SETBP1: variants seen among roughly 807,000 people sequenced by gnomAD.
SETBP1 encodes SET-binding protein.
Under a neutral mutation model 101.0 loss-of-function variants are expected in SETBP1, and 9 were observed. The observed-to-expected ratio is 0.09, with a 90% CI of 0.05 to 0.16. The LOEUF is 0.16. SETBP1 is among the 10% of genes least tolerant of loss of function. The pLI is 1.00. For missense variants in SETBP1, 1,858 were observed against 2,033.8 expected (o/e 0.91, Z 1.66); for synonymous variants, 818 against 788.5 (o/e 1.04, Z -0.63).
chr18:44,970,898 G>C (rs1303089756), intron 4 of SETBP1, among the ~76,000 whole-genome samples: 1 of 151,892 alleles, frequency 6.6e-6, no homozygotes, highest in Non-Finnish European at 1.5e-5. Context: ...TTAAGTATTA[G>C]GGTACATGTG....
rs577316166 is a variant in SETBP1 at position 45,027,070 on chromosome 18, G to A, written c.4001-11415G>A. 3.9e-5 allele frequency among the ~76,000 whole-genome samples: 6 copies of A among 152,212 alleles called. No individual in the cohort carries two copies. The South Asian group carries it at 1.2e-3, about 32-fold the overall frequency. On this transcript the variant is annotated intron_variant, in intron 4 of 5. Transcript: ENST00000649279. The stretch of plus-strand genomic sequence containing the variant: ...CTCTCCATTCTAAATGATGTCATTG[G>A]ACACTTCTAGAGAACACCTTTGAGC...
chr18:44,845,691 T>G (rs570989718), intron 2 of SETBP1, among the ~76,000 whole-genome samples: 1 of 152,344 alleles, frequency 6.6e-6, no homozygotes, highest in Admixed American at 6.5e-5. Context: ...GCTGGCTCAC[T>G]GCTCTCTCTA....
intron 4 of SETBP1, among the ~76,000 whole-genome samples, chr18:44,975,880 T>C (rs2071974203): frequency 6.6e-6 from 1 of 152,082 alleles, no homozygotes; most frequent in Admixed American, 6.6e-5. Context: ...AAATCAAAGC[T>C]CAGAGGGTTA....
intron 2 of SETBP1, among the ~76,000 whole-genome samples, chr18:44,769,071 T>C (rs897406287): frequency 6.6e-6 from 1 of 152,182 alleles, no homozygotes; most frequent in East Asian, 1.9e-4. Context: ...GTCAGCTAAC[T>C]GCTCAGGGCT....
intron 4 of SETBP1, chr18:44,970,196 A>G (rs1183121658): frequency 6.5e-6 from 1 of 154,804 alleles, no homozygotes; most frequent in Non-Finnish European, 1.5e-5. Flanking sequence ...GACTTAGTAC[A>G]GTGAGTTATC....
chr18:44,701,891 C>T, intron 2 of SETBP1, 59 bp downstream of exon 2: 1 of 1,575,944 alleles, frequency 6.3e-7, no homozygotes, highest in Non-Finnish European at 8.6e-7. Flanking sequence ...CCATTTTATC[C>T]TCAACTTCTT....
intron 2 of SETBP1, among the ~76,000 whole-genome samples, chr18:44,791,843 G>A (rs1223159223): frequency 6.6e-6 from 1 of 152,158 alleles, no homozygotes; most frequent in East Asian, 1.9e-4. Context: ...ACAGAGTGAT[G>A]TCAGCTGAGG....
chr18:44,845,638 G>A (rs965411243), intron 2 of SETBP1, among the ~76,000 whole-genome samples: 3 of 152,338 alleles, frequency 2.0e-5, no homozygotes, highest in Non-Finnish European at 4.4e-5. Context: ...GCCAGGGGGC[G>A]TGATGCTCTC....
intron 2 of SETBP1, among the ~76,000 whole-genome samples, chr18:44,720,908 C>CG (rs2069574879): frequency 2.9e-5 from 1 of 34,622 alleles, no homozygotes; most frequent in African/African-American, 1.2e-4. Flanking sequence ...CCAACCCCCA[C>CG]CCCCCACCCC....
intron 5 of SETBP1, among the ~76,000 whole-genome samples, chr18:45,059,713 C>G (rs1335528911): frequency 6.6e-6 from 1 of 152,218 alleles, no homozygotes; most frequent in Non-Finnish European, 1.5e-5. Flanking sequence ...CTCAGTCACA[C>G]CAGCCACATT....
intron 3 of SETBP1, among the ~76,000 whole-genome samples, chr18:44,912,517 A>G (rs1246191197): frequency 1.3e-5 from 2 of 151,894 alleles, no homozygotes; most frequent in African/African-American, 4.8e-5. Context: ...TTTTTTTGAG[A>G]CAGAGTCTGG....
intron 3 of SETBP1, among the ~76,000 whole-genome samples, chr18:44,932,159 T>C (rs186255198): frequency 2.8e-4 from 43 of 152,306 alleles, no homozygotes; most frequent in African/African-American, 9.4e-4. Flanking sequence ...TCTCAGCATT[T>C]GTTTATTGTA....
chr18:44,872,530 C>T lies in SETBP1; in HGVS notation c.540+3247C>T, dbSNP rs148412904. ...GTTAGTACCATCATTCATTTACTAC[C>T]CCCTCTTGCTGGACAACCCATTCCT... On this transcript the variant is annotated intron_variant, in intron 3 of 5. Coordinates refer to ENST00000649279, the MANE Select transcript of SETBP1 (RefSeq NM_015559.3). Among the ~76,000 whole-genome samples the T allele has an allele frequency of 1.2e-3, 181 of 152,328 alleles. 1 individual carries two copies. The highest frequency in any genetic ancestry group is 4.2e-3 in the African/African-American group (173 of 41,568).
chr18:44,950,805 G>C lies in SETBP1; in HGVS notation c.1465G>C (p.Val489Leu). The change falls in exon 4 of 6, where the codon GTT becomes CTT. Residue 489 changes from valine (V) to leucine (L), a missense_variant. Transcript: ENST00000649279. ...TGAAACTGGTGGAAATGCTGAGAAA[G>C]TTATCCCAGGAGGTGTGTCTAAGCC... ...GLETGGNAEK[V>L]IPGGVSKPRK... The C allele has an allele frequency of 6.2e-7, 1 of 1,614,122 alleles. No homozygotes were observed. Among genetic ancestry groups the C allele is most frequent in the Non-Finnish European group, 8.5e-7 (1 of 1,180,016 alleles).
intron 3 of SETBP1, among the ~76,000 whole-genome samples, chr18:44,942,249 C>G (rs1056674664): frequency 6.6e-6 from 1 of 152,206 alleles, no homozygotes; most frequent in East Asian, 1.9e-4. Context: ...CCTCCCCACT[C>G]TGTCTGGTGA....
intron 5 of SETBP1, among the ~76,000 whole-genome samples, chr18:45,042,605 A>G (rs908173654): frequency 1.3e-5 from 2 of 152,244 alleles, no homozygotes; most frequent in Admixed American, 1.3e-4. Context: ...ACAATATGGG[A>G]GAAATGAATA....
At chr18:44,885,337 C>T (rs1397445071) in intron 3 of SETBP1, among the ~76,000 whole-genome samples, 1 of 152,106 alleles carries the variant, frequency 6.6e-6, no homozygotes, top group Non-Finnish European at 1.5e-5. Context: ...TGAATATTAT[C>T]AATATTCTCA....
In SETBP1 at chr18:44,953,001, G is replaced by A. The variant is rs754668298; in HGVS notation, c.3661G>A (p.Ala1221Thr). ...CCAGCACAGCGAAGCCGGCCACAAA[G>A]CTTCTAAGAACAACTTTGAGGTGGA... The part of the protein sequence containing the change: ...KHQHSEAGHK[A>T]SKNNFEVDTL... The change falls in exon 4 of 6, where the codon GCT becomes ACT. Residue 1221 changes from alanine (A) to threonine (T), a missense_variant. Transcript: ENST00000649279. 5 of 1,614,044 alleles carry A rather than the reference G, an allele frequency of 3.1e-6. No homozygotes were observed. The highest frequency in any genetic ancestry group is 1.7e-5 in the Admixed American group (1 of 60,006).
At chr18:44,697,011 CA>C (rs1163464706) in intron 1 of SETBP1, among the ~76,000 whole-genome samples, 1 of 152,232 alleles carries the variant, frequency 6.6e-6, no homozygotes, top group African/African-American at 2.4e-5. Context: ...GTCCTGCAGG[CA>C]GTCATAGAAG....
Sources: allele counts gnomAD v4.1 joint callset (sites outside exome capture counted in the v4.1 genomes callset), GRCh38; gene constraint gnomAD v4.1.1; transcripts MANE v1.5; gene names NCBI Gene and HGNC (gene_info 2026-07-23, HGNC 2026-07-21).